The following AR variants were observed in gnomAD, a reference collection of about 807,000 sequenced individuals.
AR encodes dihydrotestosterone receptor.
A neutral mutation model predicts 53.9 loss-of-function variants in AR; 8 were observed. The observed-to-expected ratio is 0.15, with a 90% confidence interval of 0.09 to 0.27. AR has a LOEUF of 0.27. Among genes scored for constraint, AR ranks in the 10% least tolerant of loss-of-function variants. The pLI is 1.00. For synonymous variants in AR, 359 were observed against 316.4 expected (o/e 1.13, Z -1.43); for missense variants, 639 against 742.5 (o/e 0.86, Z 1.62).
rs748558386 is a variant in AR, at chrX:67,682,019, C to A, written c.1769-3991C>A. Reference sequence around the variant, plus strand: ...TGCAGAAAAATAATTTGACAAAATTCAACATCATTTTATGATAAAATCTTT... The same window carrying A: ...TGCAGAAAAATAATTTGACAAAATTAAACATCATTTTATGATAAAATCTTT... On this transcript the variant is annotated intron_variant, in intron 2 of 7. Coordinates refer to ENST00000374690, the MANE Select transcript of AR (RefSeq NM_000044.6). Among the ~76,000 whole-genome samples the A allele has an allele frequency of 5.4e-5, 6 of 111,555 alleles. No individual in the cohort carries two copies. In the East Asian group the frequency reaches 1.7e-3, roughly 32 times the overall value.
intron 2 of AR, among the ~76,000 whole-genome samples, chrX:67,644,548 C>G (rs1321805450): frequency 8.9e-6 from 1 of 111,843 alleles, no homozygotes; most frequent in Non-Finnish European, 1.9e-5. Context: ...TGTACTGATA[C>G]TCATCAGAAT....
chrX:67,697,134 G>A (rs2076024189), intron 3 of AR, among the ~76,000 whole-genome samples: 1 of 111,759 alleles, frequency 8.9e-6, no homozygotes, highest in Non-Finnish European at 1.9e-5. Flanking sequence ...AAGGAAGTGG[G>A]GTGCTTGGAG....
Position 67,724,077 on chromosome X carries a change from T to C in AR, c.*236T>C. 1 of 422,981 alleles carries C rather than the reference T, an allele frequency of 2.4e-6. No individual in the cohort carries two copies. Among genetic ancestry groups the C allele is most frequent in the Non-Finnish European group, 4.1e-6 (1 of 245,421 alleles). The allele number at this position is 422,981 out of a possible 1,213,427, so 34.9% of individuals were successfully genotyped here. Reference sequence around the variant, plus strand: ...CTCCCATGGCACCTTCAGACTTTGCTTCCCATTGTGGCTCCTATCTGTGTT... The same window carrying C: ...CTCCCATGGCACCTTCAGACTTTGCCTCCCATTGTGGCTCCTATCTGTGTT... On this transcript the variant is annotated 3_prime_UTR_variant, in exon 8 of 8. Coordinates refer to ENST00000374690, the MANE Select transcript of AR (RefSeq NM_000044.6).
intron 2 of AR, among the ~76,000 whole-genome samples, chrX:67,668,744 G>A (rs1299650184): frequency 9.0e-6 from 1 of 110,865 alleles, no homozygotes; most frequent in Admixed American, 9.7e-5. Context: ...ACTTGTTATT[G>A]GTCTGTTCAG....
intron 3 of AR, chrX:67,694,844 G>T (rs966021787): frequency 1.8e-6 from 2 of 1,089,087 alleles, no homozygotes; most frequent in Non-Finnish European, 1.2e-6. Flanking sequence ...AGACTTTGAC[G>T]TTGGGGTTGG....
At chrX:67,653,438 G>C (rs1466456940) in intron 2 of AR, among the ~76,000 whole-genome samples, 4 of 111,844 alleles carry the variant, frequency 3.6e-5, no homozygotes, top group Non-Finnish European at 7.5e-5. Flanking sequence ...TCACAGAGGA[G>C]TTAAGGGTTG....
At chrX:67,620,694 C>T (rs1202009317) in intron 1 of AR, among the ~76,000 whole-genome samples, 1 of 111,641 alleles carries the variant, frequency 9.0e-6, no homozygotes, top group African/African-American at 3.3e-5. Flanking sequence ...CCTCTTTTGA[C>T]ACTGTAACTA....
At chrX:67,695,738 AACACACACAC>A (rs760106489) in intron 3 of AR, 111 of 679,981 alleles carry the variant, frequency 1.6e-4, no homozygotes, top group Middle Eastern at 8.5e-4. Flanking sequence ...AGTCTGTCTA[AACACACACAC>A]ACACACACAC....
chrX:67,715,812 T>C (rs987678843), intron 4 of AR, among the ~76,000 whole-genome samples: 1 of 112,408 alleles, frequency 8.9e-6, no homozygotes, highest in African/African-American at 3.2e-5. Flanking sequence ...AAGTTTGATC[T>C]AAATTTGGGG....
chrX:67,664,059 G>A (rs1016571195), intron 2 of AR, among the ~76,000 whole-genome samples: 10 of 111,263 alleles, frequency 9.0e-5, no homozygotes, highest in East Asian at 5.7e-4. Context: ...TTTGCCATGC[G>A]TTCGAACTTC....
At chrX:67,621,618 C>T in intron 1 of AR, among the ~76,000 whole-genome samples, 1 of 111,116 alleles carries the variant, frequency 9.0e-6, no homozygotes, top group East Asian at 2.8e-4. Flanking sequence ...GTTTGGTTTT[C>T]TGTTCCTGTG....
At chrX:67,557,954 G>A (rs539827990) in intron 1 of AR, among the ~76,000 whole-genome samples, 3 of 112,074 alleles carry the variant, frequency 2.7e-5, no homozygotes, top group African/African-American at 9.7e-5. Context: ...AGGCAATTGA[G>A]CTTTTAACAA....
chrX:67,648,798 A>T (rs1474675073), intron 2 of AR, among the ~76,000 whole-genome samples: 1 of 112,120 alleles, frequency 8.9e-6, no homozygotes, highest in Non-Finnish European at 1.9e-5. Context: ...TGCTTACATA[A>T]CTTTTGTCAC....
At chrX:67,620,296 G>T (rs1053738958) in intron 1 of AR, among the ~76,000 whole-genome samples, 7 of 109,317 alleles carry the variant, frequency 6.4e-5, no homozygotes, top group African/African-American at 2.3e-4. Flanking sequence ...TATACATTTT[G>T]GGTAAGGGCA....
chrX:67,545,387 G>GCAGCAGCAAA lies in AR; in HGVS notation c.241_242insCAGCAGCAAA (p.Glu81AlafsTer6). On this transcript the variant is annotated frameshift_variant, in exon 1 of 8. Coordinates refer to ENST00000374690, the MANE Select transcript of AR (RefSeq NM_000044.6). LOFTEE classifies it high-confidence loss of function. ...GCAGCAGCAGCAGCAGCAGCAGCAA[G>GCAGCAGCAAA]AGACTAGCCCCAGGCAGCAGCAGCA... 1 of 1,084,023 alleles carries GCAGCAGCAAA rather than the reference G, an allele frequency of 9.2e-7. No homozygotes were observed. The highest frequency in any genetic ancestry group is 2.0e-5 in the South Asian group (1 of 49,622). 89.3% of individuals were successfully genotyped at this position (1,084,023 alleles called of 1,213,427 possible). A position where few individuals can be genotyped will look rare whatever the true frequency, so the allele number is the denominator to read the frequency against.
chrX:67,709,053 G>C (rs770041495), intron 3 of AR, among the ~76,000 whole-genome samples: 2 of 112,045 alleles, frequency 1.8e-5, no homozygotes, highest in Admixed American at 1.9e-4. Context: ...TGCCCCTACT[G>C]GTGGGTGTCT....
At chrX:67,598,284 T>C (rs1191811778) in intron 1 of AR, among the ~76,000 whole-genome samples, 1 of 93,972 alleles carries the variant, frequency 1.1e-5, no homozygotes, top group African/African-American at 4.1e-5. Context: ...TGTAGCAATG[T>C]TTTTTTTTTT....
chrX:67,694,560 A>T, intron 3 of AR: 1 of 1,013,602 alleles, frequency 9.9e-7, no homozygotes, highest in Non-Finnish European at 1.3e-6. Context: ...CCCCAACTTT[A>T]CATGCTGCTT....
intron 1 of AR, among the ~76,000 whole-genome samples, chrX:67,617,427 C>G (rs1325419431): frequency 4.5e-5 from 5 of 111,533 alleles, no homozygotes; most frequent in African/African-American, 1.3e-4. Context: ...ATTTTATTGA[C>G]AGAAAGGATG....
Sources: gnomAD v4.1 joint callset for allele counts (sites outside exome capture counted in the v4.1 genomes callset) on GRCh38, gnomAD v4.1.1 for gene constraint, MANE v1.5 for transcripts, NCBI Gene and HGNC (gene_info 2026-07-23, HGNC 2026-07-21) for gene names.